SDC1: variants seen among roughly 807,000 people sequenced by gnomAD.
The protein encoded by SDC1 is syndecan 1, also known as syndecan-1.
Under a neutral mutation model 29.7 loss-of-function variants are expected in SDC1, and 14 were observed. That is an observed-to-expected ratio of 0.47 (90% CI 0.31 to 0.74). SDC1 has a LOEUF of 0.74. Ranked by LOEUF, SDC1 falls within the 30% of genes least tolerant of loss-of-function variation. SDC1 has a pLI of 0.05. For synonymous variants in SDC1, 204 were observed against 175.5 expected, an observed-to-expected ratio of 1.16 and a Z score of -1.29; for missense variants, 406 against 400.3, an observed-to-expected ratio of 1.01 and a Z score of -0.12.
chr2:20,203,276 A>G (rs920935527), intron 3 of SDC1, 54 bp from the exon 4 acceptor site: 1 of 1,556,328 alleles, frequency 6.4e-7, no homozygotes, highest in Non-Finnish European at 8.7e-7. Flanking sequence ...AGCAGCAGCA[A>G]CCAGCTCCAC....
At chr2:20,219,007 G>A (rs1245441244) in intron 1 of SDC1, among the ~76,000 whole-genome samples, 1 of 152,176 alleles carries the variant, frequency 6.6e-6, no homozygotes, top group Non-Finnish European at 1.5e-5. Flanking sequence ...CCAGTGGGGA[G>A]AGGAACCAGT....
Position 20,201,520 on chromosome 2 carries a change from T to C in SDC1, c.*1246A>G, listed in dbSNP as rs780030705. 1.3e-5 allele frequency: 2 copies of C among 152,656 alleles called. No individual in the cohort carries two copies. The highest frequency in any genetic ancestry group is 2.9e-5 in the Non-Finnish European group (2 of 68,042). The allele number at this position is 152,656 out of a possible 1,614,324, so 9.5% of individuals were successfully genotyped here. A position where few individuals can be genotyped will look rare whatever the true frequency, so the allele number is the denominator to read the frequency against. On this transcript the variant is annotated 3_prime_UTR_variant, in exon 5 of 5. Transcript: ENST00000254351. ...CTACTTTATATTAAAGTTTATTACA[T>C]TTGGAAAATCTACTGTACAGGGAAA...
rs896535988 is a variant in SDC1, at chr2:20,201,398, C to T, written c.*1368G>A. The T allele has an allele frequency of 3.9e-5, 6 of 152,380 alleles. No individual in the cohort carries two copies. The highest frequency in any genetic ancestry group is 8.8e-5 in the Non-Finnish European group (6 of 68,050). 9.4% of individuals were successfully genotyped at this position (152,380 alleles called of 1,614,324 possible). ...TGGGAAAGACGAAGGCACAGAGATT[C>T]GAGCCAAGTTTCCCAACATGTTGGT... On this transcript the variant is annotated 3_prime_UTR_variant, in exon 5 of 5. Transcript: ENST00000254351.
At chr2:20,203,003 A>C (rs1028384200) in intron 4 of SDC1, 68 bp from the exon 5 acceptor site, 1 of 1,566,942 alleles carries the variant, frequency 6.4e-7, no homozygotes, top group Non-Finnish European at 8.7e-7. Flanking sequence ...CCCTCCCCAA[A>C]GCAGTGGCCT....
intron 1 of SDC1, 129 bp from the exon 2 acceptor site, chr2:20,205,553 C>T: frequency 2.8e-6 from 2 of 705,442 alleles, no homozygotes; most frequent in Non-Finnish European, 4.8e-6. Flanking sequence ...GAGAAGCCTT[C>T]TCATGTGGCT....
intron 1 of SDC1, among the ~76,000 whole-genome samples, chr2:20,216,962 G>A (rs943938536): frequency 1.6e-4 from 25 of 152,178 alleles, no homozygotes; most frequent in African/African-American, 5.1e-4. Context: ...TCACGCCACC[G>A]TGGGGAAGAG....
chr2:20,220,866 G>A (rs983572351), intron 1 of SDC1, among the ~76,000 whole-genome samples: 1 of 152,206 alleles, frequency 6.6e-6, no homozygotes, highest in African/African-American at 2.4e-5. Flanking sequence ...CAAACATGTG[G>A]TGAAGAGTTG....
rs576682238 is a variant in SDC1 at position 20,203,164 on chromosome 2, C to G, written c.686G>C (p.Arg229Pro). The G allele has an allele frequency of 1.1e-5, 18 of 1,612,902 alleles. No individual in the cohort carries two copies. Among genetic ancestry groups the G allele is most frequent in the Non-Finnish European group, 1.4e-5 (17 of 1,179,580 alleles). ...CTGATCCACTGGGGACTGGTTCCGG[C>G]GGTCAGGCTCCACGGCCACTACAGC... is the stretch of plus-strand genomic sequence containing the variant. Reference protein sequence around the residue: ...NTAVVAVEPDRRNQSPVDQGA... With the variant: ...NTAVVAVEPDPRNQSPVDQGA... Residue 229 changes from arginine (R) to proline (P), a missense_variant, in exon 4 of 5, where the codon CGC becomes CCC. Physicochemically the swap from Arg to Pro is moderately radical, Grantham distance 103. Coordinates refer to ENST00000254351, the MANE Select transcript of SDC1 (RefSeq NM_002997.5).
chr2:20,209,574 C>G (rs1384334367), intron 1 of SDC1, among the ~76,000 whole-genome samples: 1 of 152,210 alleles, frequency 6.6e-6, no homozygotes, highest in South Asian at 2.1e-4. Context: ...ACCTGTGCCA[C>G]CAGGGATGGG....
At chr2:20,214,092 G>A (rs963383631) in intron 1 of SDC1, among the ~76,000 whole-genome samples, 1 of 152,212 alleles carries the variant, frequency 6.6e-6, no homozygotes, top group Non-Finnish European at 1.5e-5. Context: ...AGCTCTGGGA[G>A]AGGGAACAGG....
At chr2:20,220,731 A>G (rs1258546289) in intron 1 of SDC1, among the ~76,000 whole-genome samples, 2 of 152,250 alleles carry the variant, frequency 1.3e-5, no homozygotes, top group Non-Finnish European at 2.9e-5. Flanking sequence ...CTCACCCCAG[A>G]TTATGGAGTA....
At chr2:20,217,258 GTCTGGT>G (rs982281137) in intron 1 of SDC1, among the ~76,000 whole-genome samples, 2 of 152,134 alleles carry the variant, frequency 1.3e-5, no homozygotes, top group Non-Finnish European at 2.9e-5. Context: ...CACCTCTCTC[GTCTGGT>G]TCCAGTAACA....
At position 20,202,140 on chromosome 2, in the gene SDC1, C is replaced by A; in HGVS notation, c.*626G>T. 1.7e-6 allele frequency: 1 copy of A among 594,982 alleles called. No individual in the cohort carries two copies. Among genetic ancestry groups the A allele is most frequent in the South Asian group, 2.1e-5 (1 of 47,946 alleles). The allele number at this position is 594,982 out of a possible 1,614,324, so 36.9% of individuals were successfully genotyped here. A position where few individuals can be genotyped will look rare whatever the true frequency, so the allele number is the denominator to read the frequency against. The stretch of plus-strand genomic sequence containing the variant: ...GTCTTCTTAACCCTGATGCTGTCTC[C>A]CGACCATAGATTAGGGAAGCAAGAT... On this transcript the variant is annotated 3_prime_UTR_variant, in exon 5 of 5. Transcript: ENST00000254351.
At position 20,203,886 on chromosome 2, in the gene SDC1, G is replaced by T; in HGVS notation, c.554C>A (p.Pro185His). 1 of 1,611,934 alleles carries T rather than the reference G, an allele frequency of 6.2e-7. No individual in the cohort carries two copies. Among genetic ancestry groups the T allele is most frequent in the Non-Finnish European group, 8.5e-7 (1 of 1,179,368 alleles). The change falls in exon 3 of 5, where the codon CCT becomes CAT. Residue 185 changes from proline to histidine, a missense_variant. By Grantham distance (77) the Pro-to-His change is moderately conservative. Transcript: ENST00000254351. ...CTCAGCAGCCCTCTCGGTGGCAGAA[G>T]GACCTCCATCCTCTGTGTGGGGAGT... ...LHTPHTEDGGPSATERAAEDG... is the reference protein window; with the variant it reads ...LHTPHTEDGGHSATERAAEDG...
rs1274951484 is a variant in SDC1, at chr2:20,207,901, G to A, written c.67-2477C>T. ...GAATACTGCCCACCGGGGGATCACAGAGTGGGCACCCCCACCCATACTCAC... is the reference window on the plus strand; with the variant it reads ...GAATACTGCCCACCGGGGGATCACAAAGTGGGCACCCCCACCCATACTCAC... On this transcript the variant is annotated intron_variant, in intron 1 of 4. Transcript: ENST00000254351. 3.1e-6 allele frequency: 3 copies of A among 964,432 alleles called. No homozygotes were observed. In the African/African-American group the frequency reaches 5.3e-5, roughly 17 times the overall value. The allele number at this position is 964,432 out of a possible 1,614,324, so 59.7% of individuals were successfully genotyped here.
chr2:20,204,566 C>A (rs1285747176), intron 2 of SDC1, among the ~76,000 whole-genome samples: 4 of 152,022 alleles, frequency 2.6e-5, no homozygotes, highest in Non-Finnish European at 4.4e-5. Flanking sequence ...TTTTCTGTGA[C>A]CACAGGGGTG....
chr2:20,218,818 G>GAC (rs758566853), intron 1 of SDC1, among the ~76,000 whole-genome samples: 2,032 of 150,072 alleles, frequency 0.014, 18 homozygotes, highest in Non-Finnish European at 0.02. Flanking sequence ...TACACACGCA[G>GAC]ACACACACAC....
In SDC1 at chr2:20,224,918, CG is replaced by C. The variant is rs1349619991; in HGVS notation, c.-52del. On this transcript the variant is annotated 5_prime_UTR_variant, in exon 1 of 5. Transcript: ENST00000254351. The surrounding 1 kb of genome is among the most constrained non-coding windows in gnomAD (Gnocchi z 4.9). ...CGGCAGGCTGCGCGGGTCGCGGCTG[CG>C]GGCCGGCTTCGCGGGTTCCGCTGCT... The C allele has an allele frequency of 8.3e-7, 1 of 1,204,518 alleles. No individual in the cohort carries two copies. Among genetic ancestry groups the C allele is most frequent in the East Asian group, 3.5e-5 (1 of 28,814 alleles). 74.6% of individuals were successfully genotyped at this position (1,204,518 alleles called of 1,614,324 possible).
intron 2 of SDC1, 96 bp downstream of exon 2, chr2:20,205,247 G>C (rs1474861016): frequency 1.0e-6 from 1 of 960,360 alleles, no homozygotes; most frequent in Non-Finnish European, 1.7e-6. Flanking sequence ...GGTGCACTCA[G>C]TACATGCTCA....
Sources: gnomAD v4.1 joint callset for allele counts (sites outside exome capture counted in the v4.1 genomes callset) on GRCh38, gnomAD v4.1.1 for gene constraint, Gnocchi (gnomAD v3.1) non-coding constraint, MANE v1.5 for transcripts, NCBI Gene and HGNC (gene_info 2026-07-23, HGNC 2026-07-21) for gene names.